IGSF10: variants seen among roughly 807,000 people sequenced by gnomAD.
IGSF10 encodes the protein immunoglobulin superfamily member 10, also known as calvaria mechanical force protein 608.
Under a neutral mutation model 128.2 loss-of-function variants are expected in IGSF10, and 126 were observed. That is an observed-to-expected ratio of 0.98 (90% confidence interval 0.85 to 1.14). The LOEUF is 1.14. Among genes scored for constraint, IGSF10 ranks in the 50% most tolerant of loss-of-function variants. IGSF10 has a pLI of 0.00. For synonymous variants in IGSF10, 1,185 were observed against 1,146.2 expected, an observed-to-expected ratio of 1.03 and a Z score of -0.68; for missense variants, 3,295 against 3,149.8, an observed-to-expected ratio of 1.05 and a Z score of -1.10.
the IGSF10 span, among the ~76,000 whole-genome samples, chr3:151,618,447 T>C: frequency 1.3e-5 from 2 of 152,154 alleles, no homozygotes; most frequent in African/African-American, 2.4e-5. Flanking sequence ...GTCTATACTG[T>C]TTGCCGGGCG....
At chr3:151,463,523 G>GGTTTTT (rs1553837068), upstream of IGSF10, among the ~76,000 whole-genome samples, 3 of 31,270 alleles carry the variant, frequency 9.6e-5, no homozygotes, top group African/African-American at 2.5e-4. Context: ...ACATTTTCTG[G>GGTTTTT]TTTTTTTTTT....
At chr3:151,580,519 G>A in the IGSF10 span, among the ~76,000 whole-genome samples, 1 of 152,164 alleles carries the variant, frequency 6.6e-6, no homozygotes, top group Non-Finnish European at 1.5e-5. Context: ...ATGCATAAAT[G>A]TTTGTTGAAG....
chr3:151,486,915 A>G, the IGSF10 span, among the ~76,000 whole-genome samples: 1 of 152,202 alleles, frequency 6.6e-6, no homozygotes. Context: ...TAACATCATA[A>G]TTAGAAGTAC....
At chr3:151,477,474 C>T in the IGSF10 span, among the ~76,000 whole-genome samples, 1 of 152,074 alleles carries the variant, frequency 6.6e-6, no homozygotes, top group African/African-American at 2.4e-5. Flanking sequence ...ATACATAATT[C>T]ACAAAATATT....
the IGSF10 span, among the ~76,000 whole-genome samples, chr3:151,561,728 G>A: frequency 6.4e-3 from 978 of 152,264 alleles, 13 homozygotes; most frequent in African/African-American, 0.022. Context: ...TTTAAAAATA[G>A]GAAGGGGAGT....
chr3:151,512,833 C>T, the IGSF10 span, among the ~76,000 whole-genome samples: 1 of 152,300 alleles, frequency 6.6e-6, no homozygotes, highest in East Asian at 1.9e-4. Context: ...ATACTACAAA[C>T]ACCTCTATGC....
Position 151,461,009 on chromosome 3 carries a change from C to A in IGSF10, c.-152G>T, listed in dbSNP as rs1428755746. 1.0e-6 allele frequency: 1 copy of A among 985,294 alleles called. No homozygotes were observed. The highest frequency in any genetic ancestry group is 1.2e-6 in the Non-Finnish European group (1 of 829,930). 61.0% of individuals were successfully genotyped at this position (985,294 alleles called of 1,614,324 possible). A position where few individuals can be genotyped will look rare whatever the true frequency, so the allele number is the denominator to read the frequency against. On this transcript the variant is annotated 5_prime_UTR_variant, in exon 1 of 8. Coordinates refer to ENST00000282466, the MANE Select transcript of IGSF10 (RefSeq NM_178822.5). ...GCTAGGTCCCGGGCTCGGTCCCGGG[C>A]TCAGCTGCTGGGGTCGTGCGGAGCT...
chr3:151,553,478 G>A, the IGSF10 span, among the ~76,000 whole-genome samples: 2 of 151,884 alleles, frequency 1.3e-5, no homozygotes, highest in Non-Finnish European at 2.9e-5. Context: ...AACCAAAAAT[G>A]TTTCATACCA....
the IGSF10 span, among the ~76,000 whole-genome samples, chr3:151,489,675 C>T: frequency 6.6e-6 from 1 of 152,230 alleles, no homozygotes; most frequent in African/African-American, 2.4e-5. Flanking sequence ...TTTGCAGGCA[C>T]ATGGAAGATG....
chr3:151,548,159 C>T, the IGSF10 span, among the ~76,000 whole-genome samples: 1 of 152,088 alleles, frequency 6.6e-6, no homozygotes, highest in Admixed American at 6.6e-5. Context: ...TGCCTTTTGC[C>T]TTGTTCATGG....
In IGSF10 at chr3:151,437,254, G is replaced by A. The variant is rs777158027; in HGVS notation, c.7307C>T (p.Thr2436Ile). 1.2e-6 allele frequency: 2 copies of A among 1,614,140 alleles called. No homozygotes were observed. Among genetic ancestry groups the A allele is most frequent in the South Asian group, 2.2e-5 (2 of 91,082 alleles). ...LEIGQKPVILTYAPGTVKGIS... is the reference protein window; with the variant it reads ...LEIGQKPVILIYAPGTVKGIS... ...GCCTTTTACTGTCCCTGGTGCATAG[G>A]TAAGAATAACTGGCTTCTGGCCAAT... The change falls in exon 8 of 8, where the codon ACC becomes ATC. Residue 2436 changes from threonine to isoleucine, a missense_variant. By Grantham distance (89) the Thr-to-Ile change is moderately conservative. Coordinates refer to ENST00000282466, the MANE Select transcript of IGSF10 (RefSeq NM_178822.5).
At chr3:151,539,765 CATCTATCT>C in the IGSF10 span, among the ~76,000 whole-genome samples, 9,964 of 146,500 alleles carry the variant, frequency 0.068, 381 homozygotes, top group African/African-American at 0.089. Flanking sequence ...ATTTCAACAG[CATCTATCT>C]ATCTATCTAT....
Position 151,443,370 on chromosome 3 carries a change from A to C in IGSF10, c.5577T>G (p.Ser1859Arg). ...RQVIVGTWGESLKLPCTAKGT... is the reference protein window; with the variant it reads ...RQVIVGTWGERLKLPCTAKGT... ...CTTTTGCAGTACAGGGCAGTTTTAA[A>C]CTTTCACCCCAAGTGCCTACAATGA... is the stretch of plus-strand genomic sequence containing the variant. Residue 1859 changes from serine (S) to arginine (R), a missense_variant, in exon 7 of 8, where the codon AGT becomes AGG. By Grantham distance (110) the Ser-to-Arg change is moderately radical. Transcript: ENST00000282466. 1.2e-6 allele frequency: 2 copies of C among 1,614,200 alleles called. No individual in the cohort carries two copies.
the IGSF10 span, among the ~76,000 whole-genome samples, chr3:151,514,755 T>C: frequency 1.3e-5 from 2 of 151,856 alleles, no homozygotes; most frequent in African/African-American, 2.4e-5. Flanking sequence ...TACAATGAAC[T>C]CAAACAAATT....
chr3:151,460,761 C>T (rs1205523923), intron 1 of IGSF10, among the ~76,000 whole-genome samples, 185 bp downstream of exon 1: 4 of 151,842 alleles, frequency 2.6e-5, no homozygotes, highest in Non-Finnish European at 2.9e-5. Flanking sequence ...GCACCAGTCA[C>T]CGAAGAATTG....
At chr3:151,515,644 T>C in the IGSF10 span, among the ~76,000 whole-genome samples, 2 of 151,368 alleles carry the variant, frequency 1.3e-5, no homozygotes, top group Non-Finnish European at 3.0e-5. Context: ...TGCTGCATTC[T>C]GTGACTCATC....
chr3:151,578,310 G>C, the IGSF10 span, among the ~76,000 whole-genome samples: 1 of 152,118 alleles, frequency 6.6e-6, no homozygotes, highest in African/African-American at 2.4e-5. Flanking sequence ...TAGGCTTTGT[G>C]GGCTATGGGG....
At chr3:151,613,488 TG>T in the IGSF10 span, among the ~76,000 whole-genome samples, 14 of 152,130 alleles carry the variant, frequency 9.2e-5, no homozygotes, top group African/African-American at 2.7e-4. Flanking sequence ...TATAGACCAA[TG>T]GAACAGAACA....
At chr3:151,484,216 C>T in the IGSF10 span, among the ~76,000 whole-genome samples, 1 of 152,210 alleles carries the variant, frequency 6.6e-6, no homozygotes, top group African/African-American at 2.4e-5. Context: ...CACTGCAGCT[C>T]AGCAAGGCCA....
Sources: allele counts gnomAD v4.1 joint callset (sites outside exome capture counted in the v4.1 genomes callset), GRCh38; gene constraint gnomAD v4.1.1; transcripts MANE v1.5; gene names NCBI Gene and HGNC (gene_info 2026-07-23, HGNC 2026-07-21).